Variants in TMOD1 observed in about 807,000 individuals in gnomAD.
TMOD1 encodes the protein tropomodulin-1.
In TMOD1, 17 loss-of-function variants were observed where a neutral mutation model predicts 40.6. The observed-to-expected ratio is 0.42, with a 90% CI of 0.29 to 0.63. TMOD1 has a LOEUF of 0.63. Ranked by LOEUF, TMOD1 falls within the 20% of genes least tolerant of loss-of-function variation. The pLI is 0.22. For synonymous variants in TMOD1, 181 were observed against 175.0 expected, an observed-to-expected ratio of 1.03 and a Z score of -0.27; for missense variants, 391 against 447.6, an observed-to-expected ratio of 0.87 and a Z score of 1.14.
At chr9:97,552,618 C>T (rs1364164966) in intron 3 of TMOD1, among the ~76,000 whole-genome samples, 2 of 152,186 alleles carry the variant, frequency 1.3e-5, no homozygotes, top group Non-Finnish European at 2.9e-5. Flanking sequence ...ATTGTTAATG[C>T]TACTTTGTAA....
chr9:97,544,235 T>A (rs2131244597), intron 2 of TMOD1, among the ~76,000 whole-genome samples: 1 of 152,254 alleles, frequency 6.6e-6, no homozygotes, highest in Middle Eastern at 3.4e-3. Context: ...GTACACCTTT[T>A]AAAAAATGAT....
intron 4 of TMOD1, among the ~76,000 whole-genome samples, chr9:97,554,647 C>T (rs1830507703): frequency 6.6e-6 from 1 of 151,952 alleles, no homozygotes; most frequent in African/African-American, 2.4e-5. Flanking sequence ...TCAAGATGGG[C>T]AGAATTGGAT....
Position 97,525,009 on chromosome 9 carries a change from A to T in TMOD1, c.120+701A>T, listed in dbSNP as rs533017463. ...TGGCCAAGTCAAGTTGACACCCAAA[A>T]TTAACCATCACAGTCTACCCCTTGT... is the stretch of plus-strand genomic sequence containing the variant. On this transcript the variant is annotated intron_variant, in intron 2 of 9. Transcript: ENST00000259365. Among the ~76,000 whole-genome samples the T allele has an allele frequency of 5.2e-4, 79 of 152,292 alleles. 1 individual carries two copies. The highest frequency in any genetic ancestry group is 1.8e-3 in the African/African-American group (76 of 41,550).
chr9:97,510,207 A>G (rs1829672637), intron 1 of TMOD1, among the ~76,000 whole-genome samples: 1 of 151,742 alleles, frequency 6.6e-6, no homozygotes, highest in African/African-American at 2.4e-5. Context: ...GAGGATAGGA[A>G]TGAATTCCAC....
At chr9:97,551,445 A>G (rs546904141) in intron 3 of TMOD1, among the ~76,000 whole-genome samples, 1 of 152,140 alleles carries the variant, frequency 6.6e-6, no homozygotes, top group Non-Finnish European at 1.5e-5. Flanking sequence ...TCTCAATACC[A>G]TTTGTTGAAG....
At position 97,591,273 on chromosome 9, in the gene TMOD1, A is replaced by G; in HGVS notation, c.871-18A>G. The G allele has an allele frequency of 6.3e-7, 1 of 1,592,098 alleles. No individual in the cohort carries two copies. The highest frequency in any genetic ancestry group is 1.7e-4 in the Middle Eastern group (1 of 6,016). ...GTGGTGATTTTATTTTTTATTTTTT[A>G]TTTTTTCTTGACTAAAGAGCCAGCC... On this transcript the variant is annotated intron_variant, in intron 8 of 9. Coordinates refer to ENST00000259365, the MANE Select transcript of TMOD1 (RefSeq NM_003275.4).
chr9:97,573,641 T>C (rs2131273948), intron 8 of TMOD1, among the ~76,000 whole-genome samples: 1 of 152,300 alleles, frequency 6.6e-6, no homozygotes, highest in East Asian at 1.9e-4. Flanking sequence ...CCAGAGTGCA[T>C]GATCTGAGGT....
At position 97,502,780 on chromosome 9, in the gene TMOD1, C is replaced by T. The variant is rs1015649518; in HGVS notation, c.-49+977C>T. Reference sequence around the variant, plus strand: ...GCACTTTTGGGGTGCCTATGGGCATCTCTCTGCTCCGTAGCCGGCAAAGCA... The same window carrying T: ...GCACTTTTGGGGTGCCTATGGGCATTTCTCTGCTCCGTAGCCGGCAAAGCA... On this transcript the variant is annotated intron_variant, in intron 1 of 9. Coordinates refer to ENST00000259365, the MANE Select transcript of TMOD1 (RefSeq NM_003275.4). The surrounding 1 kb of genome is among the most constrained non-coding windows in gnomAD (Gnocchi z 6.1). Among the ~76,000 whole-genome samples, 8 of 152,214 alleles carry T rather than the reference C, an allele frequency of 5.3e-5. No individual in the cohort carries two copies. Among genetic ancestry groups the T allele is most frequent in the African/African-American group, 9.6e-5 (4 of 41,466 alleles).
intron 8 of TMOD1, among the ~76,000 whole-genome samples, chr9:97,570,919 G>A (rs991914456): frequency 3.9e-5 from 6 of 152,186 alleles, no homozygotes; most frequent in Non-Finnish European, 7.3e-5. Context: ...GGCAGCAGCC[G>A]TGTCACGTGC....
At chr9:97,586,161 G>C (rs1411739387) in intron 8 of TMOD1, among the ~76,000 whole-genome samples, 1 of 151,512 alleles carries the variant, frequency 6.6e-6, no homozygotes, top group East Asian at 1.9e-4. Flanking sequence ...CTTTGATGAC[G>C]GTGATGTACA....
intron 8 of TMOD1, among the ~76,000 whole-genome samples, chr9:97,586,801 A>G (rs1441312683): frequency 4.0e-5 from 6 of 151,266 alleles, no homozygotes; most frequent in Admixed American, 1.3e-4. Context: ...TCTTTGACTC[A>G]GAAAGGGAAC....
At position 97,601,101 on chromosome 9, in the gene TMOD1, T is replaced by C. The variant is rs1441491625; in HGVS notation, c.*1403T>C. 8.4e-6 allele frequency: 11 copies of C among 1,304,182 alleles called. No homozygotes were observed. The highest frequency in any genetic ancestry group is 1.1e-5 in the Non-Finnish European group (11 of 988,946). 80.8% of individuals were successfully genotyped at this position (1,304,182 alleles called of 1,614,324 possible). ...AGGCGGGGCCAGGGCCTCAGCGCTATGGAAGAGTGTCCACTGAGGCTGCAC... is the reference window on the plus strand; with the variant it reads ...AGGCGGGGCCAGGGCCTCAGCGCTACGGAAGAGTGTCCACTGAGGCTGCAC... On this transcript the variant is annotated 3_prime_UTR_variant, in exon 10 of 10. Transcript: ENST00000259365.
rs147986190 is a variant in TMOD1, at chr9:97,553,101, G to A, written c.278-180G>A. 8.4e-3 allele frequency among the ~76,000 whole-genome samples: 1,286 copies of A among 152,318 alleles called. 11 individuals are homozygous for A. Among genetic ancestry groups the A allele is most frequent in the African/African-American group, 0.03 (1,238 of 41,552 alleles). ...ATTCTTTTCAAGTGTGAGGGGTGCT[G>A]TGTTGGAGATCCCTGATTCCTATTC... On this transcript the variant is annotated intron_variant, in intron 3 of 9. Coordinates refer to ENST00000259365, the MANE Select transcript of TMOD1 (RefSeq NM_003275.4).
At chr9:97,524,442 A>G in intron 2 of TMOD1, 134 bp downstream of exon 2, 1 of 1,111,812 alleles carries the variant, frequency 9.0e-7, no homozygotes. Flanking sequence ...GCCTTTGCAG[A>G]TTTTTCTTTT....
At chr9:97,579,364 C>T (rs1825690114) in intron 8 of TMOD1, among the ~76,000 whole-genome samples, 1 of 152,178 alleles carries the variant, frequency 6.6e-6, no homozygotes, top group African/African-American at 2.4e-5. Context: ...TCTACAGCAG[C>T]ACTGTTCAAT....
Position 97,600,872 on chromosome 9 carries a change from T to A in TMOD1, c.*1174T>A. ...CAAAAGTGTTAAGCCACAATGCCCTTGTGCCTTTTAATATACCACAGTGCC... is the reference window on the plus strand; with the variant it reads ...CAAAAGTGTTAAGCCACAATGCCCTAGTGCCTTTTAATATACCACAGTGCC... On this transcript the variant is annotated 3_prime_UTR_variant, in exon 10 of 10. Transcript: ENST00000259365. The A allele has an allele frequency of 9.0e-7, 1 of 1,116,180 alleles. No homozygotes were observed. The highest frequency in any genetic ancestry group is 2.0e-5 in the South Asian group (1 of 49,112). 69.1% of individuals were successfully genotyped at this position (1,116,180 alleles called of 1,614,324 possible).
rs997444305 is a variant in TMOD1 at position 97,584,614 on chromosome 9, T to C, written c.871-6677T>C. On this transcript the variant is annotated intron_variant, in intron 8 of 9. Transcript: ENST00000259365. ...TTGACAGTGGGGTGTTAAAGTCTCC[T>C]ATTATTAATGTGTGGGAGTCTAAGT... Among the ~76,000 whole-genome samples, 186 of 152,218 alleles carry C rather than the reference T, an allele frequency of 1.2e-3. 1 individual carries two copies. Among genetic ancestry groups the C allele is most frequent in the African/African-American group, 4.4e-3 (182 of 41,508 alleles).
In TMOD1 at chr9:97,599,793, T is replaced by C. The variant is rs1007249838; in HGVS notation, c.*95T>C. On this transcript the variant is annotated 3_prime_UTR_variant, in exon 10 of 10. Coordinates refer to ENST00000259365, the MANE Select transcript of TMOD1 (RefSeq NM_003275.4). ...ACCAGAAGGCAAAATGCTGGCAGCA[T>C]GAAACCCTTTTGTGGTTCAGTTCTT... 3.1e-6 allele frequency: 5 copies of C among 1,599,242 alleles called. No individual in the cohort carries two copies. The highest frequency in any genetic ancestry group is 1.7e-5 in the Admixed American group (1 of 58,620).
intron 1 of TMOD1, among the ~76,000 whole-genome samples, chr9:97,523,235 C>T (rs369512187): frequency 6.6e-6 from 1 of 152,134 alleles, no homozygotes; most frequent in African/African-American, 2.4e-5. Flanking sequence ...ACACAGGGTC[C>T]AAATGCGTTG....
Sources: gnomAD v4.1 joint callset for allele counts (sites outside exome capture counted in the v4.1 genomes callset) on GRCh38, gnomAD v4.1.1 for gene constraint, Gnocchi (gnomAD v3.1) non-coding constraint, MANE v1.5 for transcripts, NCBI Gene and HGNC (gene_info 2026-07-23, HGNC 2026-07-21) for gene names.